The following PDGFD variants were observed in gnomAD, a reference collection of about 807,000 sequenced individuals.
PDGFD encodes the protein platelet derived growth factor D, also known as platelet-derived growth factor D.
In PDGFD, 30 loss-of-function variants were observed where a neutral mutation model predicts 44.7. That is an observed-to-expected ratio of 0.67 (90% CI 0.50 to 0.91). The LOEUF (loss-of-function observed/expected upper bound fraction) is 0.91, where lower values mean the gene tolerates loss of function less well. PDGFD is among the 40% of genes least tolerant of loss of function. The probability of loss-of-function intolerance (pLI) is 0.00; values close to 1 mark genes in which losing one functional copy is unlikely to be tolerated. For missense variants in PDGFD, 445 were observed against 457.8 expected (o/e 0.97, Z 0.25); for synonymous variants, 173 against 168.4 (o/e 1.03, Z -0.21).
Position 104,000,084 on chromosome 11 carries a change from A to C in PDGFD, c.296T>G (p.Phe99Cys), listed in dbSNP as rs1859597663. The change falls in exon 2 of 7, where the codon TTT becomes TGT. Residue 99 changes from phenylalanine to cysteine, a missense_variant. Physicochemically the swap from Phe to Cys is radical, Grantham distance 205. Transcript: ENST00000393158. The stretch of plus-strand genomic sequence containing the variant: ...ATCATTTTCTGCTTCCTCTAATCCA[A>C]ACTGATTGTCAAACACTAGCTGTAT... ...TRIQLVFDNQ[F>C]GLEEAENDIC... 1.2e-6 allele frequency: 2 copies of C among 1,613,950 alleles called. No individual in the cohort carries two copies. The highest frequency in any genetic ancestry group is 2.7e-5 in the African/African-American group (2 of 74,884).
intron 5 of PDGFD, among the ~76,000 whole-genome samples, chr11:103,941,516 G>A (rs1337088574): frequency 2.0e-5 from 3 of 152,032 alleles, no homozygotes; most frequent in African/African-American, 7.2e-5. Flanking sequence ...AACAATTTTT[G>A]AACACGTATC....
chr11:104,098,551 C>T (rs191411244), intron 1 of PDGFD, among the ~76,000 whole-genome samples: 15 of 149,530 alleles, frequency 1.0e-4, no homozygotes, highest in Non-Finnish European at 1.5e-4. Flanking sequence ...GTCACCCAGG[C>T]CATACAGCAG....
chr11:104,037,315 C>T (rs775701319), intron 1 of PDGFD: 1 of 1,613,676 alleles, frequency 6.2e-7, no homozygotes, highest in Non-Finnish European at 8.5e-7. Flanking sequence ...GGAACGCAAC[C>T]CTCCCTTGGC....
chr11:104,013,840 A>G (rs1027185423), intron 1 of PDGFD, among the ~76,000 whole-genome samples: 2 of 151,820 alleles, frequency 1.3e-5, no homozygotes, highest in Admixed American at 6.6e-5. Flanking sequence ...ATAGAAATGT[A>G]TCTCCAAGCA....
chr11:104,003,227 A>T (rs260861), intron 1 of PDGFD, among the ~76,000 whole-genome samples: 75,427 of 152,134 alleles, frequency 0.5, 19,258 homozygotes, highest in Admixed American at 0.62. Flanking sequence ...GAGAATGTGT[A>T]CATATGATCC....
chr11:104,028,405 T>G (rs1284975571), intron 1 of PDGFD, among the ~76,000 whole-genome samples: 1 of 151,470 alleles, frequency 6.6e-6, no homozygotes, highest in Non-Finnish European at 1.5e-5. Flanking sequence ...GGCTCTTAGT[T>G]GAATTTGTCC....
At chr11:104,058,259 T>G (rs1360511528) in intron 1 of PDGFD, among the ~76,000 whole-genome samples, 1 of 152,166 alleles carries the variant, frequency 6.6e-6, no homozygotes, top group Non-Finnish European at 1.5e-5. Context: ...ACATGATAAA[T>G]GTCGAAATAT....
At chr11:103,924,524 GAA>G (rs1565285579) in intron 6 of PDGFD, among the ~76,000 whole-genome samples, 2 of 151,952 alleles carry the variant, frequency 1.3e-5, no homozygotes, top group Non-Finnish European at 2.9e-5. Context: ...TATGACTTAA[GAA>G]AATATGTTCC....
intron 1 of PDGFD, among the ~76,000 whole-genome samples, chr11:104,074,122 T>C (rs1393476997): frequency 6.6e-6 from 1 of 152,146 alleles, no homozygotes; most frequent in Non-Finnish European, 1.5e-5. Flanking sequence ...CTGGGGATAG[T>C]CTGCTTAGAC....
chr11:104,113,726 A>G (rs1861593841), intron 1 of PDGFD, among the ~76,000 whole-genome samples: 1 of 152,006 alleles, frequency 6.6e-6, no homozygotes, highest in Non-Finnish European at 1.5e-5. Flanking sequence ...ATCATGTTGC[A>G]TTCCTACCAG....
chr11:103,962,558 C>G (rs911192875), intron 3 of PDGFD, among the ~76,000 whole-genome samples: 3 of 152,294 alleles, frequency 2.0e-5, no homozygotes, highest in South Asian at 2.1e-4. Context: ...AGTTGAGAAA[C>G]TCTTTTGCTA....
intron 1 of PDGFD, among the ~76,000 whole-genome samples, chr11:104,161,539 A>G (rs1325588611): frequency 6.6e-6 from 1 of 152,052 alleles, no homozygotes; most frequent in Non-Finnish European, 1.5e-5. Context: ...TTTCTCAACC[A>G]TTTTTTCACT....
Position 104,164,105 on chromosome 11 carries a change from TGTGGGTGCCGCACTTCCTTGTG to T in PDGFD, c.-200_-179del, listed in dbSNP as rs544391743. ...CTGCATGCTGAACTTTCCGAGCGCGTGTGGGTGCCGCACTTCCTTGTGGTGCTGAGCTGATAAATGGTGACGG... is the reference window on the plus strand; with the variant it reads ...CTGCATGCTGAACTTTCCGAGCGCGTGTGCTGAGCTGATAAATGGTGACGG... On this transcript the variant is annotated 5_prime_UTR_variant, in exon 1 of 7. Coordinates refer to ENST00000393158, the MANE Select transcript of PDGFD (RefSeq NM_025208.5). 201 of 537,086 alleles carry T rather than the reference TGTGGGTGCCGCACTTCCTTGTG, an allele frequency of 3.7e-4. No homozygotes were observed. Among genetic ancestry groups the T allele is most frequent in the Middle Eastern group, 1.0e-3 (2 of 1,914 alleles). 33.3% of individuals were successfully genotyped at this position (537,086 alleles called of 1,614,324 possible). A position where few individuals can be genotyped will look rare whatever the true frequency, so the allele number is the denominator to read the frequency against.
chr11:104,002,176 T>C (rs1415057309), intron 1 of PDGFD, among the ~76,000 whole-genome samples: 1 of 152,308 alleles, frequency 6.6e-6, no homozygotes, highest in East Asian at 1.9e-4. Flanking sequence ...CTTGATCTTA[T>C]GCTTAAAGAT....
intron 1 of PDGFD, among the ~76,000 whole-genome samples, chr11:104,160,130 G>A (rs999239839): frequency 2.0e-5 from 3 of 152,066 alleles, no homozygotes; most frequent in South Asian, 2.1e-4. Context: ...TATCATCAAC[G>A]ATGACAATAG....
chr11:103,993,607 G>A (rs184540316), intron 3 of PDGFD, among the ~76,000 whole-genome samples: 176 of 152,092 alleles, frequency 1.2e-3, no homozygotes, highest in Middle Eastern at 3.4e-3. Flanking sequence ...CTGCTTTAAA[G>A]CCTCTCCAAG....
intron 1 of PDGFD, among the ~76,000 whole-genome samples, chr11:104,019,119 C>T (rs950645084): frequency 6.6e-6 from 1 of 152,194 alleles, no homozygotes; most frequent in African/African-American, 2.4e-5. Context: ...ACACACACTC[C>T]ACTTTGTATT....
chr11:103,947,600 G>T, intron 4 of PDGFD, 62 bp downstream of exon 4: 1 of 1,307,718 alleles, frequency 7.6e-7, no homozygotes, highest in Non-Finnish European at 1.1e-6. Flanking sequence ...AAGTCCTTTT[G>T]GGGTTGACCT....
intron 1 of PDGFD, among the ~76,000 whole-genome samples, chr11:104,145,611 A>G (rs1862150745): frequency 6.6e-6 from 1 of 152,200 alleles, no homozygotes; most frequent in African/African-American, 2.4e-5. Context: ...GATATATGTG[A>G]AGCAATTTAT....
Sources: gnomAD v4.1 joint callset for allele counts (sites outside exome capture counted in the v4.1 genomes callset) on GRCh38, gnomAD v4.1.1 for gene constraint, MANE v1.5 for transcripts, NCBI Gene and HGNC (gene_info 2026-07-23, HGNC 2026-07-21) for gene names.